Variants in CDKAL1 observed in about 807,000 individuals in gnomAD.
The protein encoded by CDKAL1 is CDKAL1 threonylcarbamoyladenosine tRNA methylthiotransferase, also known as threonylcarbamoyladenosine tRNA methylthiotransferase.
In CDKAL1, 32 loss-of-function variants were observed where a neutral mutation model predicts 68.2. The ratio of observed to expected loss-of-function variants is 0.47; its 90% confidence interval spans 0.35 to 0.63. CDKAL1 has a LOEUF of 0.63. Among genes scored for constraint, CDKAL1 ranks in the 30% least tolerant of loss-of-function variants. CDKAL1 has a pLI of 0.00. For synonymous variants in CDKAL1, 234 were observed against 244.3 expected (o/e 0.96, Z 0.39); for missense variants, 606 against 696.7 (o/e 0.87, Z 1.47).
intron 11 of CDKAL1, among the ~76,000 whole-genome samples, chr6:21,063,606 C>T (rs528802041): frequency 6.6e-6 from 1 of 152,126 alleles, no homozygotes; most frequent in Non-Finnish European, 1.5e-5. Context: ...ATTACAAAAA[C>T]CTTTAATTGA....
intron 15 of CDKAL1, among the ~76,000 whole-genome samples, chr6:21,210,376 A>G (rs1298692013): frequency 6.6e-6 from 1 of 152,138 alleles, no homozygotes; most frequent in African/African-American, 2.4e-5. Flanking sequence ...CATGATGAGG[A>G]TTAGTACCTT....
Position 20,915,798 on chromosome 6 carries a change from C to A in CDKAL1, c.743-39621C>A, listed in dbSNP as rs79221010. Among the ~76,000 whole-genome samples the A allele has an allele frequency of 4.8e-3, 724 of 152,142 alleles. 4 individuals are homozygous for A. The highest frequency in any genetic ancestry group is 7.4e-3 in the Non-Finnish European group (502 of 68,010). ...GTAATAGCCTCAAACTGGAAATAAC[C>A]CATATGTCTTTCAACAAGTGAATGG... is the stretch of plus-strand genomic sequence containing the variant. On this transcript the variant is annotated intron_variant, in intron 9 of 15. Transcript: ENST00000274695.
intron 9 of CDKAL1, among the ~76,000 whole-genome samples, chr6:20,925,881 A>G (rs1763163462): frequency 6.6e-6 from 1 of 152,174 alleles, no homozygotes; most frequent in South Asian, 2.1e-4. Context: ...CTCCATCTAA[A>G]AATGGGGGAA....
intron 6 of CDKAL1, among the ~76,000 whole-genome samples, chr6:20,750,186 A>G (rs1773853831): frequency 6.6e-6 from 1 of 151,840 alleles, no homozygotes; most frequent in South Asian, 2.1e-4. Context: ...TGATCACGGC[A>G]CACTGCAGCC....
At chr6:20,575,299 A>G (rs1038408825) in intron 4 of CDKAL1, among the ~76,000 whole-genome samples, 2 of 152,098 alleles carry the variant, frequency 1.3e-5, no homozygotes, top group South Asian at 2.1e-4. Context: ...TCAACTTTAG[A>G]TATCAGTAAA....
intron 8 of CDKAL1, among the ~76,000 whole-genome samples, chr6:20,836,464 T>A (rs1318661168): frequency 2.6e-5 from 4 of 152,206 alleles, no homozygotes; most frequent in Non-Finnish European, 5.9e-5. Context: ...TGATTCACTT[T>A]TGTCTCTGTC....
At chr6:20,836,112 A>G (rs1391983319) in intron 8 of CDKAL1, among the ~76,000 whole-genome samples, 2 of 152,118 alleles carry the variant, frequency 1.3e-5, no homozygotes, top group Non-Finnish European at 2.9e-5. Flanking sequence ...TGTACCTCCT[A>G]TGAATAGCCC....
chr6:20,804,722 C>T (rs1425135007), intron 8 of CDKAL1, among the ~76,000 whole-genome samples: 5 of 152,038 alleles, frequency 3.3e-5, no homozygotes, highest in African/African-American at 1.2e-4. Context: ...GTCTGGGCTG[C>T]CATCTTTAGA....
intron 11 of CDKAL1, among the ~76,000 whole-genome samples, chr6:21,013,981 C>G (rs1768160636): frequency 6.6e-6 from 1 of 152,202 alleles, no homozygotes; most frequent in South Asian, 2.1e-4. Flanking sequence ...GGATTCTGTC[C>G]TGTTGCTCAG....
At chr6:20,557,948 A>AACAC (rs1221816025) in intron 4 of CDKAL1, among the ~76,000 whole-genome samples, 3 of 152,084 alleles carry the variant, frequency 2.0e-5, no homozygotes, top group African/African-American at 4.8e-5. Context: ...CAAACAAACA[A>AACAC]ACACATCAAA....
chr6:20,828,339 G>A (rs1777582675), intron 8 of CDKAL1, among the ~76,000 whole-genome samples: 1 of 151,738 alleles, frequency 6.6e-6, no homozygotes, highest in African/African-American at 2.4e-5. Context: ...ATCAATTCTT[G>A]TGCCTCAGCC....
At chr6:20,712,202 G>T (rs1771877170) in intron 5 of CDKAL1, among the ~76,000 whole-genome samples, 1 of 152,164 alleles carries the variant, frequency 6.6e-6, no homozygotes, top group African/African-American at 2.4e-5. Flanking sequence ...CCAAGAGAGA[G>T]TGGTAACAGA....
chr6:21,000,489 C>A, intron 11 of CDKAL1, 117 bp downstream of exon 11: 1 of 894,266 alleles, frequency 1.1e-6, no homozygotes, highest in Non-Finnish European at 1.7e-6. Context: ...GCGAGACTTT[C>A]GAAGCTTTCA....
In CDKAL1 at chr6:21,217,259, C is replaced by T. The variant is rs1027899968; in HGVS notation, c.1549-13589C>T. On this transcript the variant is annotated intron_variant, in intron 15 of 15. Transcript: ENST00000274695. ...CTTTTGCCCATTTTCTTCTATTGGA[C>T]GATACTTTTTCATTGATGTTTAGGA... is the stretch of plus-strand genomic sequence containing the variant. 4.0e-5 allele frequency among the ~76,000 whole-genome samples: 6 copies of T among 149,772 alleles called. 1 individual carries two copies. The South Asian group carries it at 8.5e-4, about 21-fold the overall frequency.
chr6:20,868,629 G>A (rs1760030515), intron 9 of CDKAL1, among the ~76,000 whole-genome samples: 1 of 152,240 alleles, frequency 6.6e-6, no homozygotes, highest in African/African-American at 2.4e-5. Context: ...CATAAAAAGA[G>A]TTGCACCTGC....
chr6:20,578,342 T>A (rs1318684182), intron 4 of CDKAL1, among the ~76,000 whole-genome samples: 1 of 152,080 alleles, frequency 6.6e-6, no homozygotes, highest in Non-Finnish European at 1.5e-5. Context: ...CCATCAACCC[T>A]CCTTTTCCCT....
chr6:21,083,579 A>G (rs1378968159), intron 12 of CDKAL1, among the ~76,000 whole-genome samples: 1 of 152,212 alleles, frequency 6.6e-6, no homozygotes, highest in African/African-American at 2.4e-5. Flanking sequence ...ACATGATCAC[A>G]GTACTGTTAT....
At chr6:20,827,991 A>T (rs1053438409) in intron 8 of CDKAL1, among the ~76,000 whole-genome samples, 1 of 152,152 alleles carries the variant, frequency 6.6e-6, no homozygotes, top group Non-Finnish European at 1.5e-5. Flanking sequence ...ATGCTGAGAA[A>T]TGGTGTGTAG....
chr6:21,000,935 A>C (rs1375343442), intron 11 of CDKAL1, among the ~76,000 whole-genome samples: 1 of 152,248 alleles, frequency 6.6e-6, no homozygotes, highest in Admixed American at 6.5e-5. Flanking sequence ...ATATTTACAC[A>C]ATGTCAGACA....
Sources: gnomAD v4.1 joint callset for allele counts (sites outside exome capture counted in the v4.1 genomes callset) on GRCh38, gnomAD v4.1.1 for gene constraint, MANE v1.5 for transcripts, NCBI Gene and HGNC (gene_info 2026-07-23, HGNC 2026-07-21) for gene names.